Variants in CSNK1G1 observed in about 807,000 individuals in gnomAD.
The protein encoded by CSNK1G1 is casein kinase 1 gamma 1.
In CSNK1G1, 22 loss-of-function variants were observed where a neutral mutation model predicts 59.6. The observed-to-expected ratio is 0.37, with a 90% CI of 0.26 to 0.53. CSNK1G1 has a LOEUF of 0.53. CSNK1G1 is among the 20% of genes least tolerant of loss of function. CSNK1G1 has a pLI of 0.89. For synonymous variants in CSNK1G1, 179 were observed against 177.1 expected (o/e 1.01, Z -0.08); for missense variants, 384 against 519.5 (o/e 0.74, Z 2.54).
At chr15:64,286,093 G>A (rs28703201) in intron 2 of CSNK1G1, among the ~76,000 whole-genome samples, 2,648 of 152,074 alleles carry the variant, frequency 0.017, 70 homozygotes, top group East Asian at 0.066. Context: ...TGTATGGTGC[G>A]GCTTCCTCTT....
chr15:64,272,372 T>C (rs908959731), intron 2 of CSNK1G1, among the ~76,000 whole-genome samples: 3 of 152,094 alleles, frequency 2.0e-5, no homozygotes, highest in South Asian at 4.1e-4. Flanking sequence ...TCTGCCACTA[T>C]GCCTGGCTAA....
intron 10 of CSNK1G1, 114 bp downstream of exon 10, chr15:64,202,968 C>T: frequency 1.3e-6 from 1 of 786,082 alleles, no homozygotes; most frequent in Non-Finnish European, 2.2e-6. Context: ...AAATGGCAAG[C>T]ATTTGATCTT....
chr15:64,203,023 G>T, intron 10 of CSNK1G1, 59 bp downstream of exon 10: 1 of 1,272,190 alleles, frequency 7.9e-7, no homozygotes, highest in Non-Finnish European at 1.1e-6. Flanking sequence ...AAGAATTTGG[G>T]TTTTAATATT....
chr15:64,232,069 T>C (rs904949922), intron 4 of CSNK1G1, among the ~76,000 whole-genome samples: 10 of 152,146 alleles, frequency 6.6e-5, no homozygotes, highest in Non-Finnish European at 1.5e-4. Flanking sequence ...GTAGAAGAGA[T>C]TACCTACAGG....
At chr15:64,292,759 T>TA (rs1204037086) in intron 2 of CSNK1G1, among the ~76,000 whole-genome samples, 2 of 151,712 alleles carry the variant, frequency 1.3e-5, no homozygotes, top group Non-Finnish European at 2.9e-5. Context: ...CTGTCTCTAT[T>TA]AAAAAAATAC....
chr15:64,171,860 A>G lies in CSNK1G1; in HGVS notation c.*71T>C, dbSNP rs2081670113. On this transcript the variant is annotated 3_prime_UTR_variant, in exon 12 of 12. Coordinates refer to ENST00000303052, the MANE Select transcript of CSNK1G1 (RefSeq NM_022048.5). The surrounding 1 kb of genome is among the most constrained non-coding windows in gnomAD (Gnocchi z 4.8). Reference sequence around the variant, plus strand: ...CCCCAAAGAGGAGTCCCTTCCAATGAGAAATGGCAGGAGCTGCAGGTACAA... The same window carrying G: ...CCCCAAAGAGGAGTCCCTTCCAATGGGAAATGGCAGGAGCTGCAGGTACAA... 1 of 1,293,126 alleles carries G rather than the reference A, an allele frequency of 7.7e-7. No homozygotes were observed. Among genetic ancestry groups the G allele is most frequent in the Non-Finnish European group, 1.1e-6 (1 of 887,628 alleles). 80.1% of individuals were successfully genotyped at this position (1,293,126 alleles called of 1,614,324 possible).
intron 10 of CSNK1G1, among the ~76,000 whole-genome samples, chr15:64,192,416 G>C (rs1236931954): frequency 6.6e-6 from 1 of 152,150 alleles, no homozygotes; most frequent in Non-Finnish European, 1.5e-5. Flanking sequence ...GGTAAATCTT[G>C]AAACAAGAAA....
At chr15:64,256,975 A>C (rs758226963) in intron 3 of CSNK1G1, among the ~76,000 whole-genome samples, 4 of 152,106 alleles carry the variant, frequency 2.6e-5, no homozygotes, top group Non-Finnish European at 5.9e-5. Flanking sequence ...GTAGTGCTTA[A>C]GGCAAATTGA....
Position 64,210,189 on chromosome 15 carries a change from C to G in CSNK1G1, c.680-2595G>C, listed in dbSNP as rs2082233250. On this transcript the variant is annotated intron_variant, in intron 6 of 11. Coordinates refer to ENST00000303052, the MANE Select transcript of CSNK1G1 (RefSeq NM_022048.5). The surrounding 1 kb of genome is among the most constrained non-coding windows in gnomAD (Gnocchi z 4.2). Reference sequence around the variant, plus strand: ...TTTAGGTATCTAGATCTTGGTTTATCCTTTCCACTAATTTAATCCAGTGAA... The same window carrying G: ...TTTAGGTATCTAGATCTTGGTTTATGCTTTCCACTAATTTAATCCAGTGAA... Among the ~76,000 whole-genome samples the G allele has an allele frequency of 6.6e-6, 1 of 152,076 alleles. No individual in the cohort carries two copies. The highest frequency in any genetic ancestry group is 2.1e-4 in the South Asian group (1 of 4,828).
intron 2 of CSNK1G1, among the ~76,000 whole-genome samples, chr15:64,297,387 T>C (rs1566937706): frequency 6.6e-6 from 1 of 151,826 alleles, no homozygotes; most frequent in Admixed American, 6.6e-5. Flanking sequence ...GCAGAAGGAA[T>C]TGCAAGTGTA....
intron 1 of CSNK1G1, among the ~76,000 whole-genome samples, chr15:64,344,255 A>T (rs565700696): frequency 1.3e-5 from 2 of 152,312 alleles, no homozygotes; most frequent in South Asian, 4.1e-4. Flanking sequence ...TGTTTTCTCA[A>T]CAGATGTGCA....
In CSNK1G1 at chr15:64,174,139, T is replaced by G. The variant is rs966438627; in HGVS notation, c.1215-2154A>C. ...TGATTTTGTGTTTTTAAGAAAGCAA[T>G]AAAAAAAGTTTACAATACTGTTTAG... On this transcript the variant is annotated intron_variant, in intron 11 of 11. Transcript: ENST00000303052. Among the ~76,000 whole-genome samples, 4 of 152,212 alleles carry G rather than the reference T, an allele frequency of 2.6e-5. No homozygotes were observed. The East Asian group carries it at 5.8e-4, about 22-fold the overall frequency.
intron 4 of CSNK1G1, among the ~76,000 whole-genome samples, chr15:64,223,947 T>C (rs966926916): frequency 1.3e-5 from 2 of 152,190 alleles, no homozygotes; most frequent in African/African-American, 2.4e-5. Flanking sequence ...AGCTGTTATC[T>C]AAAAACAATC....
intron 1 of CSNK1G1, among the ~76,000 whole-genome samples, chr15:64,343,336 G>C (rs1472940049): frequency 6.6e-6 from 1 of 152,008 alleles, no homozygotes; most frequent in East Asian, 1.9e-4. Flanking sequence ...TTCACAGACT[G>C]TGGCCAATTC....
At chr15:64,175,682 AAAAAC>A (rs1385121718) in intron 11 of CSNK1G1, among the ~76,000 whole-genome samples, 1 of 152,164 alleles carries the variant, frequency 6.6e-6, no homozygotes, top group African/African-American at 2.4e-5. Context: ...GACAATAAAC[AAAAAC>A]AAAACAACTC....
chr15:64,219,051 C>T (rs1292714735), intron 4 of CSNK1G1, among the ~76,000 whole-genome samples: 1 of 151,264 alleles, frequency 6.6e-6, no homozygotes, highest in Admixed American at 6.6e-5. Flanking sequence ...GACAGCGTTC[C>T]CCCATGTTGG....
intron 4 of CSNK1G1, among the ~76,000 whole-genome samples, chr15:64,225,001 C>CTTT (rs2082438608): frequency 7.2e-6 from 1 of 139,094 alleles, no homozygotes; most frequent in African/African-American, 2.9e-5. Flanking sequence ...CCAAAATACA[C>CTTT]TTTTCTTTTT....
In CSNK1G1 at chr15:64,274,877, T is replaced by C. The variant is rs79191776; in HGVS notation, c.182-15636A>G. On this transcript the variant is annotated intron_variant, in intron 2 of 11. Transcript: ENST00000303052. The stretch of plus-strand genomic sequence containing the variant: ...ACATTTTCTTGCCCTTCAGTGAAAA[T>C]AGTACATGTATAAATTACTACCTAG... Among the ~76,000 whole-genome samples the C allele has an allele frequency of 5.2e-3, 785 of 152,280 alleles. 3 individuals are homozygous for C. The highest frequency in any genetic ancestry group is 0.041 in the Middle Eastern group (12 of 294).
intron 1 of CSNK1G1, among the ~76,000 whole-genome samples, chr15:64,328,318 CG>C (rs1483814400): frequency 7.1e-6 from 1 of 140,764 alleles, no homozygotes; most frequent in Non-Finnish European, 1.5e-5. Context: ...AGACTAACAG[CG>C]GATCTCTCGG....
Sources: gnomAD v4.1 joint callset for allele counts (sites outside exome capture counted in the v4.1 genomes callset) on GRCh38, gnomAD v4.1.1 for gene constraint, Gnocchi (gnomAD v3.1) non-coding constraint, MANE v1.5 for transcripts, NCBI Gene and HGNC (gene_info 2026-07-23, HGNC 2026-07-21) for gene names.